The following SHROOM4 variants were observed in gnomAD, a reference collection of about 807,000 sequenced individuals.
SHROOM4 encodes the protein shroom family member 4, also known as protein Shroom4.
In SHROOM4, 17 loss-of-function variants were observed where a neutral mutation model predicts 80.3. The ratio of observed to expected loss-of-function variants is 0.21; its 90% CI spans 0.14 to 0.32. The LOEUF is 0.32. Ranked by LOEUF, SHROOM4 falls within the 10% of genes least tolerant of loss-of-function variation. SHROOM4 has a pLI of 1.00. For missense variants in SHROOM4, 993 were observed against 1,140.3 expected, an observed-to-expected ratio of 0.87 and a Z score of 1.86; for synonymous variants, 400 against 437.5, an observed-to-expected ratio of 0.91 and a Z score of 1.07.
chrX:50,599,544 G>A (rs1018203617), intron 7 of SHROOM4, among the ~76,000 whole-genome samples: 9 of 111,690 alleles, frequency 8.1e-5, no homozygotes, highest in East Asian at 2.8e-4. Context: ...TAAGTGCTGC[G>A]TAAAAGCTAG....
At chrX:50,712,194 A>G (rs1557264439) in intron 1 of SHROOM4, among the ~76,000 whole-genome samples, 1 of 111,801 alleles carries the variant, frequency 8.9e-6, no homozygotes, top group Admixed American at 9.5e-5. Context: ...ATTGCTGAGC[A>G]CTTTTTGTTT....
intron 7 of SHROOM4, among the ~76,000 whole-genome samples, chrX:50,599,855 T>C (rs991166143): frequency 8.9e-6 from 1 of 111,965 alleles, no homozygotes; most frequent in Non-Finnish European, 1.9e-5. Context: ...AACCCTATAG[T>C]GTAACTTGAA....
At chrX:50,578,368 G>A in the SHROOM4 span, among the ~76,000 whole-genome samples, 113 of 112,381 alleles carry the variant, frequency 1.0e-3, 1 homozygote, top group Admixed American at 8.1e-3. Context: ...GTACAGTGGC[G>A]TGATCTCGAC....
intron 2 of SHROOM4, among the ~76,000 whole-genome samples, chrX:50,674,790 C>T (rs781788805): frequency 8.9e-6 from 1 of 111,766 alleles, no homozygotes; most frequent in South Asian, 3.7e-4. Flanking sequence ...CATAGACTAT[C>T]ATGTTGTGGA....
intron 1 of SHROOM4, among the ~76,000 whole-genome samples, chrX:50,759,304 CAT>C (rs1557268651): frequency 2.7e-5 from 3 of 111,814 alleles, no homozygotes; most frequent in Non-Finnish European, 3.8e-5. Context: ...CAGGTGAAAA[CAT>C]ATTGAAAAGG....
At chrX:50,692,304 T>A (rs1347805850) in intron 2 of SHROOM4, among the ~76,000 whole-genome samples, 1 of 111,759 alleles carries the variant, frequency 8.9e-6, no homozygotes, top group Non-Finnish European at 1.9e-5. Context: ...CTTATTCAGA[T>A]CATTGCCACC....
At chrX:50,780,195 A>C (rs894912817) in intron 1 of SHROOM4, among the ~76,000 whole-genome samples, 1 of 111,920 alleles carries the variant, frequency 8.9e-6, no homozygotes, top group Admixed American at 9.5e-5. Context: ...TTAAAAGCCA[A>C]CTAAGTAGTA....
chrX:50,645,427 T>C (rs1183553099), intron 2 of SHROOM4, among the ~76,000 whole-genome samples: 1 of 111,959 alleles, frequency 8.9e-6, no homozygotes, highest in Non-Finnish European at 1.9e-5. Context: ...CCTAACAAAA[T>C]AAAGAGCAAC....
intron 2 of SHROOM4, among the ~76,000 whole-genome samples, chrX:50,640,861 A>G (rs1299179229): frequency 9.0e-6 from 1 of 111,418 alleles, no homozygotes; most frequent in Non-Finnish European, 1.9e-5. Context: ...CAGCTCTACC[A>G]CTCATTAGCT....
At chrX:50,730,985 T>C (rs1294409639) in intron 1 of SHROOM4, among the ~76,000 whole-genome samples, 7 of 110,618 alleles carry the variant, frequency 6.3e-5, no homozygotes, top group African/African-American at 2.3e-4. Context: ...AGGTTATTTT[T>C]TAAAAGCCAT....
Position 50,634,253 on chromosome X carries a change from T to C in SHROOM4, c.1820A>G (p.Lys607Arg). 8.3e-7 allele frequency: 1 copy of C among 1,211,766 alleles called. No individual in the cohort carries two copies. Among genetic ancestry groups the C allele is most frequent in the South Asian group, 1.8e-5 (1 of 56,948 alleles). Residue 607 changes from lysine to arginine, a missense_variant, in exon 4 of 9, where the codon AAG becomes AGG. By Grantham distance (26) the Lys-to-Arg change is conservative. Coordinates refer to ENST00000376020, the MANE Select transcript of SHROOM4 (RefSeq NM_020717.5). ...QRRKAQLQKS[K>R]GPLSQLCDTK... ...GTCACACAGCTGTGACAAGGGACCC[T>C]TGCTTTTCTGGAGCTGGGCCTTCCT...
chrX:50,693,002 C>T lies in SHROOM4; in HGVS notation c.269+2784G>A, dbSNP rs146991030. Among the ~76,000 whole-genome samples, 779 of 111,543 alleles carry T rather than the reference C, an allele frequency of 7.0e-3. 8 individuals are homozygous for T. The highest frequency in any genetic ancestry group is 0.024 in the African/African-American group (746 of 30,678). ...AGATGATGATGTGTTAGGTTTGGGG[C>T]ATGTTGTGTTTGCAATATCTCTGAC... On this transcript the variant is annotated intron_variant, in intron 2 of 8. Transcript: ENST00000376020.
intron 1 of SHROOM4, among the ~76,000 whole-genome samples, chrX:50,756,102 A>G (rs1222266434): frequency 8.9e-6 from 1 of 111,787 alleles, no homozygotes; most frequent in Non-Finnish European, 1.9e-5. Flanking sequence ...ATTTTAGAAT[A>G]TGTCCATTAT....
At chrX:50,635,798 A>C in intron 3 of SHROOM4, 130 bp from the exon 4 acceptor site, 1 of 566,912 alleles carries the variant, frequency 1.8e-6, no homozygotes, top group South Asian at 2.6e-5. Flanking sequence ...AAAAGGGGGA[A>C]GAAAGGGAAA....
intron 1 of SHROOM4, among the ~76,000 whole-genome samples, chrX:50,715,876 A>AT (rs1933937938): frequency 9.0e-6 from 1 of 110,876 alleles, no homozygotes; most frequent in African/African-American, 3.3e-5. Context: ...AAAAAAAAAA[A>AT]AAAGGAAATC....
At chrX:50,784,844 G>A (rs926606534) in intron 1 of SHROOM4, among the ~76,000 whole-genome samples, 5 of 111,820 alleles carry the variant, frequency 4.5e-5, no homozygotes, top group African/African-American at 1.6e-4. Context: ...GCCACAGACT[G>A]GGAGAAAATA....
chrX:50,650,591 C>G (rs1158680734), intron 2 of SHROOM4, among the ~76,000 whole-genome samples: 8 of 109,917 alleles, frequency 7.3e-5, no homozygotes, highest in African/African-American at 2.7e-4. Flanking sequence ...ATCTCCTGAC[C>G]TCGTGATCCG....
chrX:50,696,806 T>C (rs1557263098), intron 1 of SHROOM4, among the ~76,000 whole-genome samples: 2 of 111,963 alleles, frequency 1.8e-5, no homozygotes, highest in Non-Finnish European at 1.9e-5. Flanking sequence ...GGGAAGAAGA[T>C]TGTCAGACTG....
intron 2 of SHROOM4, among the ~76,000 whole-genome samples, chrX:50,685,928 T>C (rs1557262210): frequency 8.9e-6 from 1 of 111,963 alleles, no homozygotes; most frequent in East Asian, 2.8e-4. Context: ...TTTTCACAAC[T>C]TGAGCTATCC....
Sources: allele counts gnomAD v4.1 joint callset (sites outside exome capture counted in the v4.1 genomes callset), GRCh38; gene constraint gnomAD v4.1.1; transcripts MANE v1.5; gene names NCBI Gene and HGNC (gene_info 2026-07-23, HGNC 2026-07-21).